The following ATP8A2 variants were observed in gnomAD, a reference collection of about 807,000 sequenced individuals.
The protein encoded by ATP8A2 is ATPase phospholipid transporting 8A2, also known as phospholipid-transporting ATPase IB.
A neutral mutation model predicts 165.6 loss-of-function variants in ATP8A2; 100 were observed. The observed-to-expected ratio is 0.60, with a 90% CI of 0.51 to 0.71. ATP8A2 has a LOEUF of 0.71. ATP8A2 is among the 30% of genes least tolerant of loss of function. ATP8A2 has a pLI of 0.00. For missense variants in ATP8A2, 1,227 were observed against 1,479.5 expected, an observed-to-expected ratio of 0.83 and a Z score of 2.80; for synonymous variants, 543 against 548.8, an observed-to-expected ratio of 0.99 and a Z score of 0.15.
intron 24 of ATP8A2, among the ~76,000 whole-genome samples, chr13:25,641,361 G>C (rs146602144): frequency 1.2e-4 from 19 of 152,070 alleles, no homozygotes; most frequent in Non-Finnish European, 2.4e-4. Context: ...AAACCCCATC[G>C]TTTCAGCCCA....
intron 2 of ATP8A2, among the ~76,000 whole-genome samples, chr13:25,504,372 T>G (rs1477825224): frequency 6.6e-6 from 1 of 151,970 alleles, no homozygotes. Context: ...TCAGAAGTTG[T>G]GGTTAGAAGA....
At chr13:25,643,154 T>G (rs1381302867) in intron 24 of ATP8A2, among the ~76,000 whole-genome samples, 1 of 152,188 alleles carries the variant, frequency 6.6e-6, no homozygotes, top group African/African-American at 2.4e-5. Flanking sequence ...ATGGGACATG[T>G]ATACATATGT....
intron 19 of ATP8A2, among the ~76,000 whole-genome samples, chr13:25,575,079 T>G (rs2039578983): frequency 6.6e-6 from 1 of 152,248 alleles, no homozygotes; most frequent in Non-Finnish European, 1.5e-5. Context: ...AATGCTCTAC[T>G]TCCATGTCCT....
intron 33 of ATP8A2, chr13:25,880,952 A>G (rs369480786): frequency 3.1e-5 from 14 of 456,514 alleles, no homozygotes; most frequent in African/African-American, 2.4e-4. Context: ...TCAGCATGAA[A>G]GCCTTTCTCT....
chr13:25,852,313 G>A (rs757783722), intron 30 of ATP8A2, among the ~76,000 whole-genome samples: 3 of 152,192 alleles, frequency 2.0e-5, no homozygotes, highest in Admixed American at 6.5e-5. Context: ...AGCAGTCTGC[G>A]ATGCACAGGT....
intron 33 of ATP8A2, among the ~76,000 whole-genome samples, chr13:25,923,070 TAG>T: frequency 6.6e-6 from 1 of 152,268 alleles, no homozygotes; most frequent in East Asian, 1.9e-4. Flanking sequence ...CTGTTTACTT[TAG>T]AAAGCAAAGG....
At chr13:25,838,561 G>T (rs1010655573) in intron 29 of ATP8A2, among the ~76,000 whole-genome samples, 1 of 150,592 alleles carries the variant, frequency 6.6e-6, no homozygotes, top group Non-Finnish European at 1.5e-5. Flanking sequence ...GCACTTTGAA[G>T]AATTTTTTTT....
chr13:25,520,591 G>GT (rs1294868641), intron 2 of ATP8A2, among the ~76,000 whole-genome samples: 4,137 of 132,462 alleles, frequency 0.031, 56 homozygotes, highest in African/African-American at 0.053. Context: ...CCTATTTTTA[G>GT]TTTTTTTTTT....
At chr13:25,407,379 C>G (rs970905802) in intron 1 of ATP8A2, among the ~76,000 whole-genome samples, 1 of 152,102 alleles carries the variant, frequency 6.6e-6, no homozygotes, top group South Asian at 2.1e-4. Context: ...AAGTTAAAAC[C>G]CAGCAGACAA....
At chr13:25,837,117 G>A in intron 28 of ATP8A2, 46 bp from the exon 29 acceptor site, 1 of 1,600,438 alleles carries the variant, frequency 6.2e-7, no homozygotes, top group Non-Finnish European at 8.5e-7. Context: ...ATGAAGCCGT[G>A]TGGATCCGAA....
At chr13:25,420,024 T>C (rs957187353) in intron 1 of ATP8A2, among the ~76,000 whole-genome samples, 3 of 152,228 alleles carry the variant, frequency 2.0e-5, no homozygotes, top group African/African-American at 7.2e-5. Flanking sequence ...ATGTATGTAC[T>C]GATGGTGGGT....
intron 24 of ATP8A2, among the ~76,000 whole-genome samples, chr13:25,693,286 A>G (rs933846288): frequency 6.6e-6 from 1 of 152,194 alleles, no homozygotes; most frequent in Non-Finnish European, 1.5e-5. Flanking sequence ...AATACCTTCA[A>G]TTGGCTCGCT....
chr13:25,512,379 C>T (rs1348075907), intron 2 of ATP8A2, among the ~76,000 whole-genome samples: 2 of 152,064 alleles, frequency 1.3e-5, no homozygotes, highest in Non-Finnish European at 2.9e-5. Context: ...ATGGCCTGTT[C>T]TCAATGAGCT....
intron 26 of ATP8A2, among the ~76,000 whole-genome samples, chr13:25,770,338 C>A (rs2044592713): frequency 6.6e-6 from 1 of 152,100 alleles, no homozygotes; most frequent in Non-Finnish European, 1.5e-5. Flanking sequence ...GATGGATCAG[C>A]TGGCACCACT....
chr13:25,836,473 A>G (rs1242443525), intron 28 of ATP8A2, among the ~76,000 whole-genome samples: 1 of 151,982 alleles, frequency 6.6e-6, no homozygotes, highest in Non-Finnish European at 1.5e-5. Flanking sequence ...CAGGTCAGAT[A>G]CTCTTTGGTG....
chr13:25,800,866 TCCTAAGATCCA>T (rs1950608741), intron 27 of ATP8A2, among the ~76,000 whole-genome samples: 1 of 152,078 alleles, frequency 6.6e-6, no homozygotes, highest in African/African-American at 2.4e-5. Context: ...GGGCTTATGA[TCCTAAGATCCA>T]CCTTAAAAGT....
chr13:25,716,366 A>G (rs988666591), intron 25 of ATP8A2, among the ~76,000 whole-genome samples: 1 of 152,070 alleles, frequency 6.6e-6, no homozygotes, highest in African/African-American at 2.4e-5. Context: ...GTTGTTGCTT[A>G]TGGGGTCATA....
intron 27 of ATP8A2, among the ~76,000 whole-genome samples, chr13:25,778,081 C>A (rs760730944): frequency 6.6e-6 from 1 of 152,164 alleles, no homozygotes; most frequent in African/African-American, 2.4e-5. Flanking sequence ...TGTATAGACC[C>A]AGGGCATGCC....
chr13:25,935,879 T>C (rs1954872663), intron 33 of ATP8A2, among the ~76,000 whole-genome samples: 1 of 152,230 alleles, frequency 6.6e-6, no homozygotes, highest in Non-Finnish European at 1.5e-5. Flanking sequence ...CACTATATTT[T>C]AATTTTTCAT....
Sources: gnomAD v4.1 joint callset for allele counts (sites outside exome capture counted in the v4.1 genomes callset) on GRCh38, gnomAD v4.1.1 for gene constraint, MANE v1.5 for transcripts, NCBI Gene and HGNC (gene_info 2026-07-23, HGNC 2026-07-21) for gene names.